DNAH14: variants seen among roughly 807,000 people sequenced by gnomAD.
DNAH14 encodes axonemal beta dynein heavy chain 14.
In DNAH14, 478 loss-of-function variants were observed where a neutral mutation model predicts 520.9. The observed-to-expected ratio is 0.92, with a 90% CI of 0.85 to 0.99. The LOEUF (loss-of-function observed/expected upper bound fraction) is 0.99, where lower values mean the gene tolerates loss of function less well. Among genes scored for constraint, DNAH14 ranks in the 50% least tolerant of loss-of-function variants. The pLI, the probability that DNAH14 is intolerant of heterozygous loss-of-function variation, is 0.00. For synonymous variants in DNAH14, 1,581 were observed against 1,757.2 expected, an observed-to-expected ratio of 0.90 and a Z score of 2.51; for missense variants, 4,831 against 5,234.5, an observed-to-expected ratio of 0.92 and a Z score of 2.38.
chr1:225,072,755 G>A (rs1462122696), intron 17 of DNAH14, among the ~76,000 whole-genome samples: 4 of 152,140 alleles, frequency 2.6e-5, no homozygotes, highest in Admixed American at 6.5e-5. Flanking sequence ...TTTTCTGTAG[G>A]TCTGCTTGTG....
intron 1 of DNAH14, among the ~76,000 whole-genome samples, chr1:224,949,660 T>C (rs1228099034): frequency 6.6e-6 from 1 of 152,190 alleles, no homozygotes. Context: ...ATTCTTTATT[T>C]TAAACTTTTT....
chr1:224,967,799 A>G, intron 6 of DNAH14: 1 of 1,416,840 alleles, frequency 7.1e-7, no homozygotes, highest in African/African-American at 1.5e-5. Context: ...ACTTTAATAA[A>G]TTTTTTCATC....
At chr1:225,351,969 T>A in intron 72 of DNAH14, 86 bp downstream of exon 72, 1 of 1,081,118 alleles carries the variant, frequency 9.2e-7, no homozygotes, top group Admixed American at 2.9e-5. Flanking sequence ...TACATTATCT[T>A]ACATTATGAA....
chr1:225,171,434 G>A (rs1292054385), intron 36 of DNAH14, among the ~76,000 whole-genome samples: 2 of 151,742 alleles, frequency 1.3e-5, no homozygotes, highest in South Asian at 2.1e-4. Context: ...ATGATAAAGG[G>A]GATATCACCA....
At position 225,342,898 on chromosome 1, in the gene DNAH14, C is replaced by T. The variant is rs547578286; in HGVS notation, c.10678+2197C>T. On this transcript the variant is annotated intron_variant, in intron 69 of 85. Transcript: ENST00000682510. ...TTGCCCTCTTGCCCCTCCTCTTGGC[C>T]GGCGCTCACAGGTGCTACTAGGTGG... 7.4e-4 allele frequency among the ~76,000 whole-genome samples: 112 copies of T among 151,292 alleles called. 1 individual carries two copies. Among genetic ancestry groups the T allele is most frequent in the African/African-American group, 2.6e-3 (108 of 41,192 alleles).
intron 66 of DNAH14, among the ~76,000 whole-genome samples, chr1:225,336,417 C>A (rs7543928): frequency 0.64 from 96,829 of 151,702 alleles, 31,676 homozygotes; most frequent in East Asian, 0.78. Context: ...CTCCAAGCAA[C>A]TGTTAACAAT....
chr1:225,152,554 A>T (rs1156257467), intron 32 of DNAH14, 143 bp from the exon 33 acceptor site: 7 of 808,860 alleles, frequency 8.7e-6, no homozygotes, highest in Non-Finnish European at 1.3e-5. Flanking sequence ...TGAAAGGTAC[A>T]ATAAAAACTA....
chr1:225,093,384 CATG>C (rs773141334), intron 21 of DNAH14, among the ~76,000 whole-genome samples: 3 of 152,048 alleles, frequency 2.0e-5, no homozygotes, highest in Non-Finnish European at 4.4e-5. Flanking sequence ...ACAAAAATCA[CATG>C]ATTATCTCAA....
rs566435751 is a variant in DNAH14 at position 224,966,742 on chromosome 1, A to G, written c.499-689A>G. 2.2e-4 allele frequency among the ~76,000 whole-genome samples: 34 copies of G among 152,260 alleles called. No individual in the cohort carries two copies. In the South Asian group the frequency reaches 5.4e-3, roughly 24 times the overall value. ...TCTCTGTCACCCAGGCTGAAGCCAC[A>G]ATGGTGTGAGTAAAGCTCCCTGCAG... On this transcript the variant is annotated intron_variant, in intron 5 of 85. Coordinates refer to ENST00000682510, the MANE Select transcript of DNAH14 (RefSeq NM_001367479.1).
chr1:224,992,804 A>G (rs933363218), intron 8 of DNAH14, among the ~76,000 whole-genome samples: 1 of 152,018 alleles, frequency 6.6e-6, no homozygotes, highest in Non-Finnish European at 1.5e-5. Context: ...TCAATTTTTT[A>G]CTATGCTTAC....
At chr1:224,987,989 A>T (rs1181559054) in intron 8 of DNAH14, among the ~76,000 whole-genome samples, 3 of 152,066 alleles carry the variant, frequency 2.0e-5, no homozygotes, top group South Asian at 4.2e-4. Context: ...TGCTGCACCT[A>T]TCAACCCACC....
At chr1:225,105,865 T>G (rs2075999717) in intron 23 of DNAH14, among the ~76,000 whole-genome samples, 1 of 152,046 alleles carries the variant, frequency 6.6e-6, no homozygotes, top group Non-Finnish European at 1.5e-5. Context: ...GTCTTTTAAT[T>G]GGAGCATTTA....
chr1:224,982,743 T>A (rs1229069099), intron 8 of DNAH14, among the ~76,000 whole-genome samples: 2 of 152,208 alleles, frequency 1.3e-5, no homozygotes, highest in Non-Finnish European at 2.9e-5. Context: ...TTCCATGTAT[T>A]TGCATGATAT....
At chr1:225,178,659 C>T (rs939915172) in intron 36 of DNAH14, among the ~76,000 whole-genome samples, 5 of 152,188 alleles carry the variant, frequency 3.3e-5, no homozygotes, top group Non-Finnish European at 2.9e-5. Flanking sequence ...CTTGCCTCTT[C>T]TCAGATGAGA....
chr1:225,284,348 G>GAT (rs1459480291), intron 54 of DNAH14, among the ~76,000 whole-genome samples: 2 of 151,962 alleles, frequency 1.3e-5, no homozygotes, highest in Non-Finnish European at 2.9e-5. Context: ...ATTAAAAAAA[G>GAT]ATTATAAGAG....
At chr1:225,208,083 C>A (rs2087833135) in intron 41 of DNAH14, among the ~76,000 whole-genome samples, 1 of 151,966 alleles carries the variant, frequency 6.6e-6, no homozygotes, top group Non-Finnish European at 1.5e-5. Flanking sequence ...AAATCTTAAA[C>A]CAAGATGATT....
chr1:225,139,663 A>G (rs568665552), intron 27 of DNAH14, among the ~76,000 whole-genome samples: 11 of 152,338 alleles, frequency 7.2e-5, no homozygotes, highest in Non-Finnish European at 1.2e-4. Flanking sequence ...GTAATTAAAA[A>G]CTGGTTCACA....
At position 225,080,790 on chromosome 1, in the gene DNAH14, A is replaced by G. The variant is rs149848523; in HGVS notation, c.3136+42A>G. The G allele has an allele frequency of 2.1e-4, 308 of 1,471,932 alleles. 1 individual carries two copies. In the African/African-American group the frequency reaches 4.0e-3, roughly 19 times the overall value. 91.2% of individuals were successfully genotyped at this position (1,471,932 alleles called of 1,614,324 possible). A position where few individuals can be genotyped will look rare whatever the true frequency, so the allele number is the denominator to read the frequency against. ...CAAATTTTCCCACCTAGGTCTATAT[A>G]CCAAATGGCCTTTGGACATCAAGAG... On this transcript the variant is annotated intron_variant, in intron 19 of 85. Coordinates refer to ENST00000682510, the MANE Select transcript of DNAH14 (RefSeq NM_001367479.1).
chr1:225,185,352 T>G lies in DNAH14; in HGVS notation c.5597T>G (p.Ile1866Ser). The change falls in exon 37 of 86, where the codon ATT becomes AGT. Residue 1866 changes from isoleucine (I) to serine (S), a missense_variant. Transcript: ENST00000682510. The stretch of plus-strand genomic sequence containing the variant: ...GGAGGAAAGACAACAGTCAGAAGAA[T>G]TTTGGAAAAAGCATTAACGCTATTA... ...TGGGKTTVRRILEKALTLLPI... is the reference protein window; with the variant it reads ...TGGGKTTVRRSLEKALTLLPI... The G allele has an allele frequency of 6.5e-7, 1 of 1,548,168 alleles. No homozygotes were observed. Among genetic ancestry groups the G allele is most frequent in the Non-Finnish European group, 8.7e-7 (1 of 1,145,612 alleles).
Sources: gnomAD v4.1 joint callset for allele counts (sites outside exome capture counted in the v4.1 genomes callset) on GRCh38, gnomAD v4.1.1 for gene constraint, MANE v1.5 for transcripts, NCBI Gene and HGNC (gene_info 2026-07-23, HGNC 2026-07-21) for gene names.